The following SPOCK3 variants were observed in gnomAD, a reference collection of about 807,000 sequenced individuals.
SPOCK3 encodes the protein SPARC (osteonectin), cwcv and kazal like domains proteoglycan 3.
In SPOCK3, 30 loss-of-function variants were observed where a neutral mutation model predicts 56.6. That is an observed-to-expected ratio of 0.53 (90% confidence interval 0.40 to 0.72). The LOEUF (loss-of-function observed/expected upper bound fraction) is 0.72. Among genes scored for constraint, SPOCK3 ranks in the 30% least tolerant of loss-of-function variants. The pLI is 0.00. For synonymous variants in SPOCK3, 196 were observed against 183.3 expected (o/e 1.07, Z -0.56); for missense variants, 527 against 530.0 (o/e 0.99, Z 0.06).
At chr4:166,766,839 G>A (rs1178438996) in intron 7 of SPOCK3, among the ~76,000 whole-genome samples, 6 of 152,090 alleles carry the variant, frequency 3.9e-5, no homozygotes, top group African/African-American at 7.2e-5. Context: ...TGGTTGGTAC[G>A]CTCTTAATTA....
intron 2 of SPOCK3, among the ~76,000 whole-genome samples, chr4:167,097,056 C>A (rs1759219380): frequency 6.6e-6 from 1 of 151,682 alleles, no homozygotes; most frequent in South Asian, 2.1e-4. Context: ...GTGACTTTAT[C>A]TAAAATTAAT....
chr4:166,774,254 A>G (rs1050324913), intron 7 of SPOCK3, among the ~76,000 whole-genome samples: 2 of 152,160 alleles, frequency 1.3e-5, no homozygotes, highest in Admixed American at 1.3e-4. Context: ...GGATGAATGA[A>G]CGATACGTAA....
chr4:167,190,392 C>A lies in SPOCK3; in HGVS notation c.189+43593G>T, dbSNP rs1431536940. ...TGATGTTGAGCATCTTTTCACATAC[C>A]TATTGGACATTCATATATCTTCTTT... On this transcript the variant is annotated intron_variant, in intron 2 of 10. Transcript: ENST00000357545. 4.1e-5 allele frequency among the ~76,000 whole-genome samples: 6 copies of A among 146,034 alleles called. 1 individual carries two copies. The highest frequency in any genetic ancestry group is 7.5e-5 in the Non-Finnish European group (5 of 66,778).
intron 6 of SPOCK3, among the ~76,000 whole-genome samples, chr4:166,825,344 T>C (rs753164151): frequency 6.6e-6 from 1 of 152,098 alleles, no homozygotes; most frequent in Non-Finnish European, 1.5e-5. Context: ...GTTAAGTTAT[T>C]TTACTGCAAA....
intron 7 of SPOCK3, among the ~76,000 whole-genome samples, chr4:166,775,667 A>G (rs1352152092): frequency 1.3e-5 from 2 of 152,232 alleles, no homozygotes; most frequent in Non-Finnish European, 2.9e-5. Flanking sequence ...CAACATTTAG[A>G]TATCAAACAG....
At chr4:167,213,037 A>G (rs1735032483) in intron 2 of SPOCK3, among the ~76,000 whole-genome samples, 1 of 152,222 alleles carries the variant, frequency 6.6e-6, no homozygotes, top group South Asian at 2.1e-4. Context: ...CACAATCTAC[A>G]TCTAAGCATT....
At chr4:166,793,954 G>A (rs1348701074) in intron 6 of SPOCK3, among the ~76,000 whole-genome samples, 1 of 152,014 alleles carries the variant, frequency 6.6e-6, no homozygotes, top group Non-Finnish European at 1.5e-5. Context: ...GGATGTCTGG[G>A]TCACAAGAAC....
chr4:167,069,952 C>T (rs1278942513), intron 2 of SPOCK3, among the ~76,000 whole-genome samples: 1 of 151,878 alleles, frequency 6.6e-6, no homozygotes, highest in African/African-American at 2.4e-5. Flanking sequence ...TCATTCATTC[C>T]CTACTGCTCA....
At chr4:166,776,233 T>C (rs1290382100) in intron 7 of SPOCK3, among the ~76,000 whole-genome samples, 2 of 152,004 alleles carry the variant, frequency 1.3e-5, no homozygotes, top group Non-Finnish European at 2.9e-5. Flanking sequence ...GCCAACATGA[T>C]GAAACTCCCT....
intron 4 of SPOCK3, among the ~76,000 whole-genome samples, chr4:166,999,636 G>A (rs1053511005): frequency 2.0e-5 from 3 of 152,180 alleles, no homozygotes; most frequent in Non-Finnish European, 2.9e-5. Flanking sequence ...TAAAGGAAAC[G>A]AATACACCAC....
intron 8 of SPOCK3, among the ~76,000 whole-genome samples, chr4:166,744,399 G>A (rs1425546295): frequency 6.6e-6 from 1 of 152,168 alleles, no homozygotes; most frequent in African/African-American, 2.4e-5. Flanking sequence ...GGTCCTGACT[G>A]TTGGAAGGAA....
intron 3 of SPOCK3, among the ~76,000 whole-genome samples, chr4:167,046,824 A>T (rs187907628): frequency 1.3e-5 from 2 of 152,186 alleles, no homozygotes; most frequent in Non-Finnish European, 2.9e-5. Flanking sequence ...ATGAGCATGA[A>T]ATAAACAATA....
At chr4:167,196,744 T>C (rs1732991702) in intron 2 of SPOCK3, among the ~76,000 whole-genome samples, 1 of 152,090 alleles carries the variant, frequency 6.6e-6, no homozygotes. Context: ...TACCTCATTT[T>C]TTATATTATC....
chr4:166,925,447 T>A (rs191501770), intron 4 of SPOCK3, among the ~76,000 whole-genome samples: 1 of 152,070 alleles, frequency 6.6e-6, no homozygotes, highest in Non-Finnish European at 1.5e-5. Flanking sequence ...ATACGCTTAC[T>A]AGTTTAACGT....
chr4:167,052,114 G>A (rs1168680424), intron 3 of SPOCK3, among the ~76,000 whole-genome samples: 2 of 152,126 alleles, frequency 1.3e-5, no homozygotes, highest in African/African-American at 4.8e-5. Context: ...TATGGAACAT[G>A]TACCTTCATT....
chr4:167,118,904 T>C (rs185642560), intron 2 of SPOCK3, among the ~76,000 whole-genome samples: 20 of 152,252 alleles, frequency 1.3e-4, no homozygotes, highest in Admixed American at 1.3e-3. Flanking sequence ...CATCCCCCCT[T>C]CTACTATTAT....
At chr4:167,058,195 AG>A (rs1293388172) in intron 3 of SPOCK3, among the ~76,000 whole-genome samples, 3 of 152,186 alleles carry the variant, frequency 2.0e-5, no homozygotes, top group African/African-American at 7.2e-5. Context: ...AATTAGGAAA[AG>A]AGGAAGTCAA....
intron 6 of SPOCK3, among the ~76,000 whole-genome samples, chr4:166,865,508 C>A (rs1731733058): frequency 6.6e-6 from 1 of 152,112 alleles, no homozygotes; most frequent in African/African-American, 2.4e-5. Flanking sequence ...TTGCAGATGA[C>A]ATGATTGTAT....
rs1561233732 is a variant in SPOCK3, at chr4:167,116,622, T to TACATATATACTATATACGTATATATATAC, written c.190-54114_190-54086dup. Among the ~76,000 whole-genome samples, 15 of 125,384 alleles carry TACATATATACTATATACGTATATATATAC rather than the reference T, an allele frequency of 1.2e-4. No individual in the cohort carries two copies. In the East Asian group the frequency reaches 1.5e-3, roughly 13 times the overall value. The allele number at this position is 125,384 out of a possible 152,430, so 82.3% of individuals were successfully genotyped here. A position where few individuals can be genotyped will look rare whatever the true frequency, so the allele number is the denominator to read the frequency against. On this transcript the variant is annotated intron_variant, in intron 2 of 10. Coordinates refer to ENST00000357545, the MANE Select transcript of SPOCK3 (RefSeq NM_001040159.2). ...CATATATACTATATACGTATATATA[T>TACATATATACTATATACGTATATATATAC]ACATATATACTATATACGTATATAT...
Sources: allele counts gnomAD v4.1 joint callset (sites outside exome capture counted in the v4.1 genomes callset), GRCh38; gene constraint gnomAD v4.1.1; transcripts MANE v1.5; gene names NCBI Gene and HGNC (gene_info 2026-07-23, HGNC 2026-07-21).